The following DNAH3 variants were observed in gnomAD, a reference collection of about 807,000 sequenced individuals.
DNAH3 encodes the protein axonemal beta dynein heavy chain 3.
A neutral mutation model predicts 432.5 loss-of-function variants in DNAH3; 332 were observed. That is an observed-to-expected ratio of 0.77 (90% CI 0.70 to 0.84). The LOEUF (loss-of-function observed/expected upper bound fraction) is 0.84, where lower values mean the gene tolerates loss of function less well. DNAH3 is among the 40% of genes least tolerant of loss of function. The pLI is 0.00. For synonymous variants in DNAH3, 1,956 were observed against 1,900.2 expected, an observed-to-expected ratio of 1.03 and a Z score of -0.76; for missense variants, 4,861 against 5,114.0, an observed-to-expected ratio of 0.95 and a Z score of 1.51.
At chr16:21,010,901 T>G (rs866654308) in intron 41 of DNAH3, among the ~76,000 whole-genome samples, 2,565 of 144,990 alleles carry the variant, frequency 0.018, 80 homozygotes, top group African/African-American at 0.066. Flanking sequence ...TTTTTTTTTT[T>G]GTTTTTTTTT....
intron 1 of DNAH3, among the ~76,000 whole-genome samples, chr16:21,154,967 T>TG (rs1015823331): frequency 8.0e-5 from 12 of 150,814 alleles, no homozygotes; most frequent in African/African-American, 2.9e-4. Context: ...TTTTTTTTTT[T>TG]GAGATGGAAT....
chr16:20,985,577 T>C (rs1832245842), exon 48 of DNAH3: 3 of 1,614,230 alleles, frequency 1.9e-6, no homozygotes, highest in Admixed American at 1.7e-5. Flanking sequence ...TAGTGCTCCA[T>C]GACCACAGTC....
intron 58 of DNAH3, among the ~76,000 whole-genome samples, chr16:20,942,898 T>G (rs889548378): frequency 1.1e-4 from 17 of 150,526 alleles, no homozygotes; most frequent in Admixed American, 2.0e-4. Flanking sequence ...AGGTTTTGGG[T>G]TTTTTTTCAT....
intron 54 of DNAH3, among the ~76,000 whole-genome samples, chr16:20,958,035 C>T (rs973465776): frequency 4.0e-5 from 6 of 150,178 alleles, no homozygotes; most frequent in East Asian, 2.0e-4. Context: ...AGGCAGGAGG[C>T]GGGAGGCAGG....
At chr16:20,976,311 G>A (rs1210164766) in intron 50 of DNAH3, among the ~76,000 whole-genome samples, 1 of 152,026 alleles carries the variant, frequency 6.6e-6, no homozygotes, top group Non-Finnish European at 1.5e-5. Flanking sequence ...TCCTGTCTCA[G>A]CCTCCCATGT....
intron 14 of DNAH3, among the ~76,000 whole-genome samples, chr16:21,109,368 G>A (rs997259905): frequency 2.0e-5 from 3 of 151,972 alleles, no homozygotes; most frequent in Admixed American, 6.6e-5. Context: ...AACCTCTTAG[G>A]GCTGTTGTGA....
chr16:20,989,376 G>A (rs145055282), intron 44 of DNAH3, among the ~76,000 whole-genome samples: 2 of 151,804 alleles, frequency 1.3e-5, no homozygotes, highest in East Asian at 1.9e-4. Context: ...TAAACACAGG[G>A]TGCTGATTGG....
chr16:20,981,025 T>C (rs1406817885), intron 49 of DNAH3, among the ~76,000 whole-genome samples: 1 of 152,180 alleles, frequency 6.6e-6, no homozygotes, highest in Non-Finnish European at 1.5e-5. Flanking sequence ...ACTAGGCCCA[T>C]GAACCATAGT....
intron 35 of DNAH3, among the ~76,000 whole-genome samples, chr16:21,036,345 A>G (rs1338189833): frequency 6.6e-6 from 1 of 152,088 alleles, no homozygotes. Flanking sequence ...CAAACAAACA[A>G]ACAAACACAA....
chr16:21,080,228 A>C (rs2091133505), intron 20 of DNAH3, among the ~76,000 whole-genome samples: 1 of 152,062 alleles, frequency 6.6e-6, no homozygotes, highest in Non-Finnish European at 1.5e-5. Flanking sequence ...ACCTGGGAGG[A>C]GGAGGTTGCA....
Position 21,086,896 on chromosome 16 carries a change from G to C in DNAH3, c.2830C>G (p.Leu944Val), listed in dbSNP as rs1270152257. 1.9e-6 allele frequency: 3 copies of C among 1,614,062 alleles called. No homozygotes were observed. In the African/African-American group the frequency reaches 4.0e-5, roughly 22 times the overall value. The stretch of plus-strand genomic sequence containing the variant: ...ATTCCTGGGTTGCAGGAAATACTGA[G>C]GATGGGAATGTACTGCTTGAACTTA... The change falls in exon 19 of 62, where the codon CTC becomes GTC. Residue 944 changes from leucine to valine, a missense_variant. Leu to Val is a conservative substitution (Grantham distance 32). Coordinates refer to ENST00000261383, the Ensembl canonical transcript of DNAH3.
At chr16:21,008,708 C>A (rs535759398) in intron 41 of DNAH3, among the ~76,000 whole-genome samples, 1 of 152,210 alleles carries the variant, frequency 6.6e-6, no homozygotes, top group Non-Finnish European at 1.5e-5. Context: ...TGATTTCCAG[C>A]GAGAACTCAG....
intron 59 of DNAH3, among the ~76,000 whole-genome samples, chr16:20,941,120 G>A (rs2083790690): frequency 6.6e-6 from 1 of 151,792 alleles, no homozygotes; most frequent in Admixed American, 6.6e-5. Flanking sequence ...AATGAAAGTG[G>A]CTCTAATGAC....
At chr16:20,979,273 G>A (rs549413807) in intron 50 of DNAH3, 57 bp downstream of exon 50, 12 of 1,548,906 alleles carry the variant, frequency 7.7e-6, no homozygotes, top group African/African-American at 2.7e-5. Context: ...CACATGCCTC[G>A]GCACATCCAC....
chr16:21,137,261 TAAA>T (rs60457553), intron 5 of DNAH3, among the ~76,000 whole-genome samples: 2 of 117,024 alleles, frequency 1.7e-5, no homozygotes. Flanking sequence ...GATTTCTGTC[TAAA>T]AAAAAAAAAA....
At chr16:21,021,920 C>G (rs770475858) in intron 40 of DNAH3, 51 bp downstream of exon 40, 1 of 1,595,590 alleles carries the variant, frequency 6.3e-7, no homozygotes, top group Non-Finnish European at 8.5e-7. Flanking sequence ...AAAGAAATAG[C>G]CAAGGTAGAC....
chr16:20,993,453 TA>T (rs2086640064), intron 44 of DNAH3, among the ~76,000 whole-genome samples: 1 of 152,146 alleles, frequency 6.6e-6, no homozygotes, highest in African/African-American at 2.4e-5. Flanking sequence ...CTTAAAAAAA[TA>T]ATAGTCTCTG....
intron 33 of DNAH3, among the ~76,000 whole-genome samples, chr16:21,038,757 T>C (rs1302703478): frequency 1.3e-5 from 2 of 152,222 alleles, no homozygotes; most frequent in Non-Finnish European, 2.9e-5. Context: ...AAAGGTTTGC[T>C]AATTAAATAA....
At chr16:20,946,265 G>C (rs562624802) in intron 57 of DNAH3, among the ~76,000 whole-genome samples, 1 of 152,130 alleles carries the variant, frequency 6.6e-6, no homozygotes, top group South Asian at 2.1e-4. Flanking sequence ...CATAACCCAG[G>C]CATTCCTTTC....
Sources: gnomAD v4.1 joint callset for allele counts (sites outside exome capture counted in the v4.1 genomes callset) on GRCh38, gnomAD v4.1.1 for gene constraint, MANE v1.5 for transcripts, NCBI Gene and HGNC (gene_info 2026-07-23, HGNC 2026-07-21) for gene names.